The following ANKRD18B variants were observed in gnomAD, a reference collection of about 807,000 sequenced individuals.
ANKRD18B encodes the protein ankyrin repeat domain 18B.
ANKRD18B carries 75 observed loss-of-function variants against 111.8 expected under a neutral mutation model. That is an observed-to-expected ratio of 0.67 (90% CI 0.56 to 0.81). The LOEUF is 0.81. ANKRD18B is among the 40% of genes least tolerant of loss of function. The pLI is 0.00. For missense variants in ANKRD18B, 1,038 were observed against 1,225.5 expected (o/e 0.85, Z 2.28); for synonymous variants, 356 against 417.3 (o/e 0.85, Z 1.79).
intron 3 of ANKRD18B, among the ~76,000 whole-genome samples, chr9:33,531,358 A>G (rs1828113862): frequency 6.6e-6 from 1 of 152,222 alleles, no homozygotes; most frequent in Non-Finnish European, 1.5e-5. Flanking sequence ...ATACACAATC[A>G]TTTAGCAACA....
intron 14 of ANKRD18B, among the ~76,000 whole-genome samples, chr9:33,562,734 T>G (rs1416862355): frequency 6.6e-6 from 1 of 152,230 alleles, no homozygotes; most frequent in Non-Finnish European, 1.5e-5. Flanking sequence ...TTGCATTTGA[T>G]GTCTTAACAC....
chr9:33,568,738 C>T lies in ANKRD18B; in HGVS notation c.3022C>T (p.Leu1008Phe). 1 of 1,551,394 alleles carries T rather than the reference C, an allele frequency of 6.4e-7. No homozygotes were observed. Among genetic ancestry groups the T allele is most frequent in the East Asian group, 2.4e-5 (1 of 40,880 alleles). Residue 1008 changes from leucine to phenylalanine, a missense_variant, in exon 17 of 19, where the codon CTC (leucine) becomes TTC (phenylalanine). Physicochemically the swap from Leu to Phe is conservative, Grantham distance 22 (BLOSUM62 0). Coordinates refer to ENST00000684830, the MANE Select transcript of ANKRD18B (RefSeq NM_001393611.1). ...GGAGAAAGAGCGGATGGAATATTTT[C>T]TCAGCACTCTTCCTATGAGGCCAGA... ...FMEKERMEYF[L>F]STLPMRPDPE...
chr9:33,561,957 A>G (rs1350386453), intron 14 of ANKRD18B, among the ~76,000 whole-genome samples: 2 of 152,102 alleles, frequency 1.3e-5, no homozygotes, highest in Non-Finnish European at 2.9e-5. Context: ...CAGTTGTCTT[A>G]TGTCATAATA....
chr9:33,552,511 C>T (rs1828461209), intron 12 of ANKRD18B, among the ~76,000 whole-genome samples: 1 of 152,164 alleles, frequency 6.6e-6, no homozygotes, highest in South Asian at 2.1e-4. Flanking sequence ...CGTGGCTCAG[C>T]CTGTCTCTGC....
intron 14 of ANKRD18B, among the ~76,000 whole-genome samples, chr9:33,560,710 C>G (rs1299161473): frequency 5.9e-5 from 9 of 152,082 alleles, no homozygotes; most frequent in Admixed American, 1.3e-4. Context: ...CCTGTAATCC[C>G]AGCACTTTGG....
chr9:33,547,975 T>A lies in ANKRD18B; in HGVS notation c.1187T>A (p.Phe396Tyr), dbSNP rs2118056347. The A allele has an allele frequency of 1.4e-6, 2 of 1,462,556 alleles. No homozygotes were observed. Among genetic ancestry groups the A allele is most frequent in the South Asian group, 2.9e-5 (2 of 68,258 alleles). 90.6% of individuals were successfully genotyped at this position (1,462,556 alleles called of 1,614,324 possible). The change falls in exon 11 of 19, where the codon TTT becomes TAT. Residue 396 changes from phenylalanine to tyrosine, a missense_variant. By Grantham distance (22) the Phe-to-Tyr change is conservative. Transcript: ENST00000684830. ...QSYGKKKDEM[F>Y]GNFMLKRDIA... ...TATGGAAAAAAGAAGGATGAGATGTTTGGAAATTTTATGTTGAAGAGAGAC... is the reference window on the plus strand; with the variant it reads ...TATGGAAAAAAGAAGGATGAGATGTATGGAAATTTTATGTTGAAGAGAGAC...
intron 15 of ANKRD18B, 143 bp downstream of exon 15, chr9:33,566,643 GT>G (rs1391648992): frequency 1.0e-6 from 1 of 972,982 alleles, no homozygotes; most frequent in South Asian, 2.0e-5. Context: ...AAAAAGTGAC[GT>G]TTTTTCCTTT....
rs1274405417 is a variant in ANKRD18B, at chr9:33,547,976, T to C, written c.1188T>C (p.Phe396=). The change falls in exon 11 of 19, where the codon TTT becomes TTC. Residue 396 remains phenylalanine, a synonymous_variant. Coordinates refer to ENST00000684830, the MANE Select transcript of ANKRD18B (RefSeq NM_001393611.1). ...ATGGAAAAAAGAAGGATGAGATGTT[T>C]GGAAATTTTATGTTGAAGAGAGACA... ...QSYGKKKDEM[F]GNFMLKRDIA... is the part of the protein sequence containing the mutation. The C allele has an allele frequency of 3.3e-5, 49 of 1,463,450 alleles. No homozygotes were observed. Among genetic ancestry groups the C allele is most frequent in the Non-Finnish European group, 4.3e-5 (48 of 1,107,856 alleles). 90.7% of individuals were successfully genotyped at this position (1,463,450 alleles called of 1,614,324 possible). A position where few individuals can be genotyped will look rare whatever the true frequency, so the allele number is the denominator to read the frequency against.
At position 33,535,539 on chromosome 9, in the gene ANKRD18B, G is replaced by A. The variant is rs183607700; in HGVS notation, c.740+1032G>A. 5.2e-3 allele frequency among the ~76,000 whole-genome samples: 793 copies of A among 151,108 alleles called. 10 individuals carry two copies. Among genetic ancestry groups the A allele is most frequent in the African/African-American group, 0.018 (746 of 41,250 alleles). ...CCTGACCTTGTGATCCACCTGCCTC[G>A]GCCTCCTAAAGTGCTGTGATTACAG... On this transcript the variant is annotated intron_variant, in intron 5 of 18. Transcript: ENST00000684830.
chr9:33,558,190 A>T lies in ANKRD18B; in HGVS notation c.2460+3A>T. 6.2e-7 allele frequency: 1 copy of T among 1,603,198 alleles called. No individual in the cohort carries two copies. Among genetic ancestry groups the T allele is most frequent in the Non-Finnish European group, 8.5e-7 (1 of 1,175,786 alleles). ...TGTTTAAGAAGCTAAAACAGAAGGT[A>T]ATTTAAAAAATTATTATTTTATCTT... On this transcript the variant is annotated splice_donor_region_variant and intron_variant, in intron 14 of 18. Coordinates refer to ENST00000684830, the MANE Select transcript of ANKRD18B (RefSeq NM_001393611.1).
chr9:33,541,636 T>C (rs1828280726), intron 9 of ANKRD18B, among the ~76,000 whole-genome samples: 2 of 152,186 alleles, frequency 1.3e-5, no homozygotes, highest in African/African-American at 4.8e-5. Context: ...ACTTTGAGCC[T>C]GCAGTTAACT....
rs190847618 is a variant in ANKRD18B at position 33,549,702 on chromosome 9, T to C, written c.2068-728T>C. 1.3e-3 allele frequency among the ~76,000 whole-genome samples: 191 copies of C among 152,314 alleles called. 1 individual carries two copies. The highest frequency in any genetic ancestry group is 4.5e-3 in the African/African-American group (189 of 41,576). ...CTGAAAATATGTCAGTCTCACATTA[T>C]GTATTTTTCTGACCACTTAGTATTT... On this transcript the variant is annotated intron_variant, in intron 11 of 18. Coordinates refer to ENST00000684830, the MANE Select transcript of ANKRD18B (RefSeq NM_001393611.1).
chr9:33,575,231 C>T (rs1305316299), downstream of ANKRD18B, among the ~76,000 whole-genome samples: 1 of 152,216 alleles, frequency 6.6e-6, no homozygotes, highest in Non-Finnish European at 1.5e-5. Flanking sequence ...CATCATGGCC[C>T]TGTCACCAGG....
At chr9:33,573,336 C>T, downstream of ANKRD18B, 2 of 974,426 alleles carry the variant, frequency 2.1e-6, no homozygotes, top group Non-Finnish European at 2.4e-6. Flanking sequence ...GGACAGTCCT[C>T]ATGTGGTCCC....
intron 9 of ANKRD18B, among the ~76,000 whole-genome samples, chr9:33,542,314 G>A (rs1828290700): frequency 6.7e-6 from 1 of 149,230 alleles, no homozygotes; most frequent in Non-Finnish European, 1.5e-5. Flanking sequence ...AGACACCTGT[G>A]TACGTGGAGA....
At chr9:33,539,605 T>C (rs1828250702) in intron 7 of ANKRD18B, 103 bp downstream of exon 7, 1 of 152,786 alleles carries the variant, frequency 6.5e-6, no homozygotes, top group Non-Finnish European at 1.5e-5. Context: ...AAATAGCTTA[T>C]AGTTATTATT....
chr9:33,535,730 TTTTA>T (rs1450464800), intron 5 of ANKRD18B, among the ~76,000 whole-genome samples: 1 of 146,832 alleles, frequency 6.8e-6, no homozygotes, highest in African/African-American at 2.5e-5. Flanking sequence ...TTATTTTATA[TTTTA>T]TTTATATTTT....
chr9:33,557,923 T>A, intron 13 of ANKRD18B, 135 bp from the exon 14 acceptor site: 1 of 771,154 alleles, frequency 1.3e-6, no homozygotes, highest in Non-Finnish European at 2.0e-6. Context: ...TTTCAAACTA[T>A]GTTCAGTTGA....
chr9:33,574,562 CTCTG>C (rs139064987), downstream of ANKRD18B: 4,054 of 152,922 alleles, frequency 0.027, 170 homozygotes, highest in African/African-American at 0.091. Context: ...GGCGCCCCTC[CTCTG>C]TCTGCATCCC....
Sources: allele counts gnomAD v4.1 joint callset (sites outside exome capture counted in the v4.1 genomes callset), GRCh38; gene constraint gnomAD v4.1.1; transcripts MANE v1.5; gene names NCBI Gene and HGNC (gene_info 2026-07-23, HGNC 2026-07-21).